MC2R: variants seen among roughly 807,000 people sequenced by gnomAD.
MC2R encodes adrenocorticotropic hormone receptor.
MC2R carries 9 observed loss-of-function variants against 9.8 expected under a neutral mutation model. The observed-to-expected ratio is 0.92, with a 90% CI of 0.55 to 1.60. The LOEUF (loss-of-function observed/expected upper bound fraction) is 1.60, where lower values mean the gene tolerates loss of function less well. Ranked by LOEUF, MC2R falls within the 40% of genes most tolerant of loss-of-function variation. The pLI is 0.00. For synonymous variants in MC2R, 185 were observed against 154.7 expected, an observed-to-expected ratio of 1.20 and a Z score of -1.45; for missense variants, 370 against 389.0, an observed-to-expected ratio of 0.95 and a Z score of 0.41.
intron 1 of MC2R, among the ~76,000 whole-genome samples, chr18:13,913,552 T>C (rs1472598463): frequency 1.3e-5 from 2 of 152,198 alleles, no homozygotes; most frequent in African/African-American, 4.8e-5. Flanking sequence ...CTTCCAAATT[T>C]TGTACCCTGG....
At chr18:13,907,874 C>T (rs1012986226) in intron 1 of MC2R, among the ~76,000 whole-genome samples, 13 of 151,970 alleles carry the variant, frequency 8.6e-5, no homozygotes, top group Non-Finnish European at 1.3e-4. Flanking sequence ...CAAAAACGGG[C>T]GATATCGGAT....
chr18:13,910,738 A>G, intron 1 of MC2R, among the ~76,000 whole-genome samples: 1 of 152,136 alleles, frequency 6.6e-6, no homozygotes, highest in East Asian at 1.9e-4. Context: ...TACACTCAGC[A>G]CTAGGGCTCC....
At chr18:13,892,930 G>A (rs1309706891) in intron 1 of MC2R, among the ~76,000 whole-genome samples, 1 of 152,154 alleles carries the variant, frequency 6.6e-6, no homozygotes, top group Non-Finnish European at 1.5e-5. Context: ...GGGCTCAAGT[G>A]ATTGTCTCGC....
At chr18:13,901,672 A>T (rs2045380988) in intron 1 of MC2R, among the ~76,000 whole-genome samples, 1 of 152,146 alleles carries the variant, frequency 6.6e-6, no homozygotes, top group Admixed American at 6.5e-5. Context: ...ACCTAACAAG[A>T]TTGAACCAGG....
At chr18:13,889,615 G>A (rs970265950) in intron 1 of MC2R, among the ~76,000 whole-genome samples, 4 of 152,174 alleles carry the variant, frequency 2.6e-5, no homozygotes, top group Non-Finnish European at 4.4e-5. Flanking sequence ...GGCTCACTCT[G>A]TTAGATGCTC....
At chr18:13,913,575 A>G (rs1399455454) in intron 1 of MC2R, among the ~76,000 whole-genome samples, 1 of 152,232 alleles carries the variant, frequency 6.6e-6, no homozygotes, top group East Asian at 1.9e-4. Context: ...GCTCATAGTC[A>G]GAGAACAGAG....
intron 1 of MC2R, among the ~76,000 whole-genome samples, chr18:13,886,975 C>T (rs1177170567): frequency 6.6e-6 from 1 of 152,208 alleles, no homozygotes; most frequent in Non-Finnish European, 1.5e-5. Context: ...CAGGGCGTAG[C>T]TGCTGTGAGG....
intron 1 of MC2R, among the ~76,000 whole-genome samples, chr18:13,911,098 A>C (rs2045441359): frequency 6.6e-6 from 1 of 152,218 alleles, no homozygotes; most frequent in Non-Finnish European, 1.5e-5. Context: ...GAGAGTGCGA[A>C]GCAGCAAAAC....
At chr18:13,894,656 C>A (rs777367272) in intron 1 of MC2R, among the ~76,000 whole-genome samples, 8 of 152,212 alleles carry the variant, frequency 5.3e-5, no homozygotes, top group Non-Finnish European at 1.0e-4. Flanking sequence ...CAGCTCTGTA[C>A]AATCTGTTTC....
At chr18:13,891,942 A>G (rs2045317845) in intron 1 of MC2R, among the ~76,000 whole-genome samples, 1 of 152,234 alleles carries the variant, frequency 6.6e-6, no homozygotes, top group South Asian at 2.1e-4. Context: ...AAAACTAAGC[A>G]GCAAAATAAG....
chr18:13,889,334 G>A (rs892166453), intron 1 of MC2R, among the ~76,000 whole-genome samples: 13 of 152,198 alleles, frequency 8.5e-5, no homozygotes, highest in Non-Finnish European at 1.9e-4. Context: ...GCAGAGATGG[G>A]GTGGTGGATG....
chr18:13,888,317 G>A (rs1255256478), intron 1 of MC2R, among the ~76,000 whole-genome samples: 1 of 152,176 alleles, frequency 6.6e-6, no homozygotes, highest in Non-Finnish European at 1.5e-5. Context: ...CTGCACGTTT[G>A]TGGATGCTGC....
chr18:13,897,459 G>T (rs1252039583), intron 1 of MC2R, among the ~76,000 whole-genome samples: 3 of 152,128 alleles, frequency 2.0e-5, no homozygotes, highest in Non-Finnish European at 4.4e-5. Context: ...GTAACTCTTA[G>T]GCGAGTCCTA....
intron 1 of MC2R, among the ~76,000 whole-genome samples, chr18:13,894,936 T>C (rs923362871): frequency 1.3e-5 from 2 of 152,240 alleles, no homozygotes; most frequent in African/African-American, 2.4e-5. Context: ...CAGCGTGTTT[T>C]GTTCTTGGCT....
At chr18:13,905,842 T>G (rs945979374) in intron 1 of MC2R, among the ~76,000 whole-genome samples, 6 of 151,744 alleles carry the variant, frequency 4.0e-5, no homozygotes, top group Non-Finnish European at 7.4e-5. Flanking sequence ...TGGATCACGA[T>G]GCCAAGAGAT....
intron 1 of MC2R, among the ~76,000 whole-genome samples, chr18:13,889,432 G>T (rs929762125): frequency 2.0e-5 from 3 of 152,204 alleles, no homozygotes; most frequent in African/African-American, 2.4e-5. Flanking sequence ...GAAGGCGTAG[G>T]TCTTGGCAGG....
At chr18:13,914,900 T>G (rs1267856097) in intron 1 of MC2R, among the ~76,000 whole-genome samples, 2 of 152,218 alleles carry the variant, frequency 1.3e-5, no homozygotes, top group Non-Finnish European at 2.9e-5. Flanking sequence ...TAGTTATTGT[T>G]TATCCTGCAC....
intron 1 of MC2R, among the ~76,000 whole-genome samples, chr18:13,899,284 T>A (rs77469041): frequency 0.013 from 2,038 of 152,110 alleles, 57 homozygotes; most frequent in African/African-American, 0.043. Context: ...TTAATGAGCA[T>A]GAATACAGCC....
chr18:13,907,103 A>G (rs1411471854), intron 1 of MC2R, among the ~76,000 whole-genome samples: 1 of 152,246 alleles, frequency 6.6e-6, no homozygotes, highest in Non-Finnish European at 1.5e-5. Context: ...GAGGAATCAC[A>G]GTACCTGACT....
Sources: gnomAD v4.1 joint callset for allele counts (sites outside exome capture counted in the v4.1 genomes callset) on GRCh38, gnomAD v4.1.1 for gene constraint, MANE v1.5 for transcripts, NCBI Gene and HGNC (gene_info 2026-07-23, HGNC 2026-07-21) for gene names.